Variants in ERCC6L2 observed in about 807,000 individuals in gnomAD.
The protein encoded by ERCC6L2 is DNA excision repair protein ERCC-6-like 2.
ERCC6L2 carries 77 observed loss-of-function variants against 132.0 expected under a neutral mutation model. That is an observed-to-expected ratio of 0.58 (90% CI 0.49 to 0.71). ERCC6L2 has a LOEUF of 0.71. Ranked by LOEUF, ERCC6L2 falls within the 30% of genes least tolerant of loss-of-function variation. ERCC6L2 has a pLI of 0.00. For synonymous variants in ERCC6L2, 583 were observed against 632.4 expected (o/e 0.92, Z 1.17); for missense variants, 1,542 against 1,837.6 (o/e 0.84, Z 2.94).
rs759403414 is a variant in ERCC6L2 at position 95,922,358 on chromosome 9, C to G, written c.1353C>G (p.Val451=). The G allele has an allele frequency of 6.2e-7, 1 of 1,613,518 alleles. No individual in the cohort carries two copies. The highest frequency in any genetic ancestry group is 8.5e-7 in the Non-Finnish European group (1 of 1,179,628). Residue 451 remains valine (V), a synonymous_variant, in exon 8 of 19, where the codon GTC becomes GTG. Coordinates refer to ENST00000653738, the MANE Select transcript of ERCC6L2 (RefSeq NM_020207.7). ...CCTTGTATCTCAGTTACCTTACAGTCCTTCAGAAGGTAGCTAACCATGTCG... is the reference window on the plus strand; with the variant it reads ...CCTTGTATCTCAGTTACCTTACAGTGCTTCAGAAGGTAGCTAACCATGTCG... ...VKTLYLSYLT[V]LQKVANHVAL...
chr9:95,937,553 T>C (rs1004867576), intron 11 of ERCC6L2, among the ~76,000 whole-genome samples: 16 of 152,100 alleles, frequency 1.1e-4, no homozygotes, highest in African/African-American at 3.9e-4. Context: ...AGGTTGTCTG[T>C]TTCATTTAGT....
chr9:95,970,477 T>C (rs759900346), intron 14 of ERCC6L2, 99 bp from the exon 15 acceptor site: 8 of 535,488 alleles, frequency 1.5e-5, no homozygotes, highest in African/African-American at 4.1e-5. Flanking sequence ...AATTTTTCTT[T>C]CTTAGCTCCA....
chr9:95,990,092 A>C (rs1833238691), intron 17 of ERCC6L2, among the ~76,000 whole-genome samples: 1 of 152,218 alleles, frequency 6.6e-6, no homozygotes, highest in African/African-American at 2.4e-5. Flanking sequence ...ATAAATGTTA[A>C]ACTGACCTGA....
intron 9 of ERCC6L2, among the ~76,000 whole-genome samples, chr9:95,925,325 G>C (rs1380995584): frequency 6.6e-6 from 1 of 152,108 alleles, no homozygotes; most frequent in Non-Finnish European, 1.5e-5. Context: ...ACTGTGGAGG[G>C]TGGAAAAAAA....
At chr9:96,007,819 G>C (rs1833909216) in intron 18 of ERCC6L2, among the ~76,000 whole-genome samples, 1 of 152,204 alleles carries the variant, frequency 6.6e-6, no homozygotes, top group African/African-American at 2.4e-5. Context: ...AAGTGAACAG[G>C]GATGGGAGGC....
intron 15 of ERCC6L2, among the ~76,000 whole-genome samples, chr9:95,971,267 G>T (rs1012360228): frequency 6.6e-6 from 1 of 152,028 alleles, no homozygotes; most frequent in Non-Finnish European, 1.5e-5. Flanking sequence ...TAAATTTAGA[G>T]AAATATATGA....
intron 6 of ERCC6L2, among the ~76,000 whole-genome samples, chr9:95,917,300 G>A (rs1829647626): frequency 6.6e-6 from 1 of 152,146 alleles, no homozygotes; most frequent in South Asian, 2.1e-4. Context: ...AAAAAATATA[G>A]TAGTCTTCTT....
chr9:95,913,328 TA>T (rs1426873239), intron 4 of ERCC6L2, among the ~76,000 whole-genome samples: 1 of 152,220 alleles, frequency 6.6e-6, no homozygotes, highest in East Asian at 1.9e-4. Context: ...ATTTTGACTT[TA>T]AAAAAGCAAG....
chr9:96,038,278 T>A (rs932222301), intron 19 of ERCC6L2, among the ~76,000 whole-genome samples: 3 of 152,092 alleles, frequency 2.0e-5, no homozygotes, highest in African/African-American at 7.2e-5. Context: ...CTGGGAGGAA[T>A]CTGTGATGAT....
intron 17 of ERCC6L2, among the ~76,000 whole-genome samples, chr9:96,000,541 G>A (rs1397397021): frequency 6.6e-6 from 1 of 152,180 alleles, no homozygotes; most frequent in Non-Finnish European, 1.5e-5. Flanking sequence ...TAACATGTTG[G>A]CAGGAACGTA....
intron 19 of ERCC6L2, among the ~76,000 whole-genome samples, chr9:96,024,280 G>A (rs1371378712): frequency 6.6e-6 from 1 of 152,240 alleles, no homozygotes; most frequent in East Asian, 1.9e-4. Context: ...TTTAGCAGAG[G>A]TGCTGGTGAC....
At chr9:95,919,223 G>A (rs983148625) in intron 6 of ERCC6L2, among the ~76,000 whole-genome samples, 3 of 152,088 alleles carry the variant, frequency 2.0e-5, no homozygotes, top group African/African-American at 7.2e-5. Flanking sequence ...AAAAAAATTA[G>A]CATTGTTTTA....
At chr9:95,913,818 A>G (rs1004609541) in intron 4 of ERCC6L2, among the ~76,000 whole-genome samples, 5 of 152,164 alleles carry the variant, frequency 3.3e-5, no homozygotes, top group Non-Finnish European at 7.3e-5. Flanking sequence ...GTTCATCCAT[A>G]TTGTAGCACA....
At chr9:95,970,681 C>T (rs1201703726) in intron 15 of ERCC6L2, 25 bp downstream of exon 15, 2 of 1,275,390 alleles carry the variant, frequency 1.6e-6, no homozygotes, top group Non-Finnish European at 2.1e-6. Flanking sequence ...AACCTGTAGA[C>T]TACAACACCT....
chr9:95,954,717 G>GTTTTCTTTA (rs1831512049), intron 12 of ERCC6L2: 1 of 466,452 alleles, frequency 2.1e-6, no homozygotes, highest in Admixed American at 2.4e-5. Flanking sequence ...TCCATTTCTG[G>GTTTTCTTTA]TTTTCTTTAG....
At chr9:95,889,359 T>C (rs374992174) in intron 2 of ERCC6L2, among the ~76,000 whole-genome samples, 6 of 152,332 alleles carry the variant, frequency 3.9e-5, no homozygotes, top group African/African-American at 1.4e-4. Flanking sequence ...TTTGATCTTA[T>C]ATTACCTCAT....
chr9:95,934,699 C>T (rs551444929), intron 11 of ERCC6L2, among the ~76,000 whole-genome samples: 2 of 152,218 alleles, frequency 1.3e-5, no homozygotes, highest in Admixed American at 6.5e-5. Flanking sequence ...AAATACAATG[C>T]TTTATTCATA....
intron 3 of ERCC6L2, among the ~76,000 whole-genome samples, chr9:95,899,804 T>G (rs1828675318): frequency 6.6e-6 from 1 of 152,180 alleles, no homozygotes; most frequent in South Asian, 2.1e-4. Flanking sequence ...TCCCATATAC[T>G]TTAAATCATC....
At chr9:96,033,328 C>T (rs1449398804) in intron 19 of ERCC6L2, among the ~76,000 whole-genome samples, 1 of 152,028 alleles carries the variant, frequency 6.6e-6, no homozygotes, top group Non-Finnish European at 1.5e-5. Flanking sequence ...TCACTGCAAC[C>T]TCCGACTCTC....
Sources: gnomAD v4.1 joint callset for allele counts (sites outside exome capture counted in the v4.1 genomes callset) on GRCh38, gnomAD v4.1.1 for gene constraint, MANE v1.5 for transcripts, NCBI Gene and HGNC (gene_info 2026-07-23, HGNC 2026-07-21) for gene names.